The following ZNF267 variants were observed in gnomAD, a reference collection of about 807,000 sequenced individuals.
ZNF267 encodes zinc finger (C2H2).
Under a neutral mutation model 71.6 loss-of-function variants are expected in ZNF267, and 61 were observed. That is an observed-to-expected ratio of 0.85 (90% CI 0.69 to 1.05). The LOEUF is 1.05. Ranked by LOEUF, ZNF267 falls within the 50% of genes least tolerant of loss-of-function variation. ZNF267 has a pLI of 0.00. For synonymous variants in ZNF267, 288 were observed against 293.2 expected (o/e 0.98, Z 0.18); for missense variants, 852 against 870.0 (o/e 0.98, Z 0.26).
At chr16:31,874,827 A>C (rs2083840626) in intron 1 of ZNF267, among the ~76,000 whole-genome samples, 1 of 152,166 alleles carries the variant, frequency 6.6e-6, no homozygotes, top group South Asian at 2.1e-4. Flanking sequence ...GCAATAAAAT[A>C]TTAAATTTCC....
Position 31,899,997 on chromosome 16 carries a change from TACACACACAC to T in ZNF267, c.227-14473_227-14464del, listed in dbSNP as rs530697331. On this transcript the variant is annotated intron_variant, in intron 3 of 3. Coordinates refer to ENST00000300870, the MANE Select transcript of ZNF267 (RefSeq NM_003414.6). ...ACCCTTGGTGTCATCCATATATATA[TACACACACAC>T]ACACATACACACACACAATGTGTTT... 9.3e-5 allele frequency among the ~76,000 whole-genome samples: 14 copies of T among 150,998 alleles called. No individual in the cohort carries two copies. The East Asian group carries it at 2.7e-3, about 29-fold the overall frequency.
In ZNF267 at chr16:31,875,339, G is replaced by T. The variant is rs1047558866; in HGVS notation, c.3+1370G>T. 7.0e-6 allele frequency: 9 copies of T among 1,276,906 alleles called. No individual in the cohort carries two copies. The Admixed American group carries it at 2.0e-4, about 28-fold the overall frequency. The allele number at this position is 1,276,906 out of a possible 1,614,324, so 79.1% of individuals were successfully genotyped here. On this transcript the variant is annotated intron_variant, in intron 1 of 3. Coordinates refer to ENST00000300870, the MANE Select transcript of ZNF267 (RefSeq NM_003414.6). ...TAGTCCCTCAGGGGAGCAGCTGGAT[G>T]CCCTGGGGCTGAGAGAAATCTCCTG...
intron 3 of ZNF267, among the ~76,000 whole-genome samples, chr16:31,905,420 C>T (rs138159941): frequency 0.013 from 1,924 of 152,308 alleles, 49 homozygotes; most frequent in African/African-American, 0.044. Context: ...CTTTCAGGTA[C>T]ACCAATGAGA....
Position 31,915,136 on chromosome 16 carries a change from G to T in ZNF267, c.887G>T (p.Ser296Ile), listed in dbSNP as rs370712596. The T allele has an allele frequency of 6.2e-7, 1 of 1,613,320 alleles. No homozygotes were observed. Reference protein sequence around the residue: ...QTIHIRENSYSYNKYDKDLSQ... With the variant: ...QTIHIRENSYIYNKYDKDLSQ... ...ATCCATATCAGAGAAAACTCATATA[G>T]CTATAACAAATATGATAAAGATCTT... The change falls in exon 4 of 4, where the codon AGC becomes ATC. Residue 296 changes from serine to isoleucine, a missense_variant. By Grantham distance (142) the Ser-to-Ile change is moderately radical. Coordinates refer to ENST00000300870, the MANE Select transcript of ZNF267 (RefSeq NM_003414.6).
At chr16:31,899,203 C>T (rs1403738301) in intron 3 of ZNF267, among the ~76,000 whole-genome samples, 1 of 152,180 alleles carries the variant, frequency 6.6e-6, no homozygotes, top group Non-Finnish European at 1.5e-5. Context: ...CTACAGAACT[C>T]TCCAACCCAA....
chr16:31,907,771 T>C (rs1051047639), intron 3 of ZNF267, among the ~76,000 whole-genome samples: 1 of 152,178 alleles, frequency 6.6e-6, no homozygotes, highest in East Asian at 1.9e-4. Context: ...GCGCAGTGGC[T>C]CATGCCTATA....
chr16:31,898,602 A>G (rs574434909), intron 3 of ZNF267, among the ~76,000 whole-genome samples: 25 of 150,782 alleles, frequency 1.7e-4, no homozygotes, highest in African/African-American at 4.9e-4. Context: ...TTGTGTATCT[A>G]CTATAGGTAT....
intron 3 of ZNF267, among the ~76,000 whole-genome samples, chr16:31,886,672 A>G (rs2083926631): frequency 6.6e-6 from 1 of 152,234 alleles, no homozygotes. Context: ...AATGCTGTAC[A>G]TTAGATATTC....
chr16:31,900,919 T>C (rs1002886517), intron 3 of ZNF267, among the ~76,000 whole-genome samples: 2 of 152,204 alleles, frequency 1.3e-5, no homozygotes, highest in Admixed American at 6.5e-5. Context: ...CATTTAGCAT[T>C]AGGTATATCT....
intron 3 of ZNF267, among the ~76,000 whole-genome samples, chr16:31,907,582 C>G (rs1219875844): frequency 6.6e-6 from 1 of 152,008 alleles, no homozygotes; most frequent in Non-Finnish European, 1.5e-5. Context: ...TAGTTGTGTT[C>G]TCCTTTAGTT....
chr16:31,892,042 G>A (rs1394825144), intron 3 of ZNF267, among the ~76,000 whole-genome samples: 1 of 152,112 alleles, frequency 6.6e-6, no homozygotes, highest in Non-Finnish European at 1.5e-5. Flanking sequence ...TCCAGGCTGA[G>A]GTGGTCTTGG....
In ZNF267 at chr16:31,914,536, A is replaced by G. The variant is rs1381354503; in HGVS notation, c.287A>G (p.Gln96Arg). The G allele has an allele frequency of 1.2e-6, 2 of 1,613,842 alleles. No individual in the cohort carries two copies. The highest frequency in any genetic ancestry group is 1.7e-6 in the Non-Finnish European group (2 of 1,179,942). Residue 96 changes from glutamine to arginine, a missense_variant, in exon 4 of 4, where the codon CAA becomes CGA. Gln to Arg is a conservative substitution (Grantham distance 43, BLOSUM62 1). Coordinates refer to ENST00000300870, the MANE Select transcript of ZNF267 (RefSeq NM_003414.6). ...LTEHCTEASFQKVISRRHGSC... is the reference protein window; with the variant it reads ...LTEHCTEASFRKVISRRHGSC... Reference sequence around the variant, plus strand: ...GAGCACTGCACAGAAGCTTCATTCCAAAAAGTGATATCGAGGAGACATGGG... The same window carrying G: ...GAGCACTGCACAGAAGCTTCATTCCGAAAAGTGATATCGAGGAGACATGGG...
chr16:31,877,146 C>T (rs1004436596), intron 1 of ZNF267, among the ~76,000 whole-genome samples: 1 of 152,050 alleles, frequency 6.6e-6, no homozygotes, highest in Non-Finnish European at 1.5e-5. Flanking sequence ...CACCCGACAA[C>T]TGGTTTTCCC....
At chr16:31,910,571 AT>A (rs1156998930) in intron 3 of ZNF267, among the ~76,000 whole-genome samples, 3 of 151,514 alleles carry the variant, frequency 2.0e-5, no homozygotes, top group Non-Finnish European at 4.4e-5. Context: ...AATCTTTTGA[AT>A]TTCTGCAGTG....
chr16:31,916,307 A>G lies in ZNF267; in HGVS notation c.2058A>G (p.Arg686=). ...TTHRRRHTGE[R]PYKCDECGKA... ...ATCGGAGAAGACATACTGGAGAGAG[A>G]CCCTACAAATGTGATGAATGTGGTA... Residue 686 remains arginine (R), a synonymous_variant, in exon 4 of 4, where the codon AGA becomes AGG. Transcript: ENST00000300870. 6.2e-7 allele frequency: 1 copy of G among 1,614,044 alleles called. No individual in the cohort carries two copies. Among genetic ancestry groups the G allele is most frequent in the East Asian group, 2.2e-5 (1 of 44,856 alleles).
chr16:31,882,936 A>G (rs1353368452), intron 1 of ZNF267, among the ~76,000 whole-genome samples: 1 of 152,228 alleles, frequency 6.6e-6, no homozygotes, highest in Non-Finnish European at 1.5e-5. Flanking sequence ...TTTAATCCAG[A>G]GACTCCCATT....
chr16:31,907,995 A>G (rs563621899), intron 3 of ZNF267, among the ~76,000 whole-genome samples: 2 of 152,092 alleles, frequency 1.3e-5, no homozygotes, highest in Middle Eastern at 3.4e-3. Flanking sequence ...GTGAACCAAG[A>G]TAGCGCCACT....
intron 3 of ZNF267, among the ~76,000 whole-genome samples, chr16:31,895,862 C>T (rs1354786313): frequency 6.6e-6 from 1 of 152,094 alleles, no homozygotes; most frequent in African/African-American, 2.4e-5. Context: ...CTTATATGAT[C>T]TAGATATTAA....
chr16:31,888,702 T>C (rs1321117054), intron 3 of ZNF267, among the ~76,000 whole-genome samples: 1 of 152,066 alleles, frequency 6.6e-6, no homozygotes, highest in African/African-American at 2.4e-5. Flanking sequence ...TTAATGTGTT[T>C]TTGAATTTGG....
Sources: gnomAD v4.1 joint callset for allele counts (sites outside exome capture counted in the v4.1 genomes callset) on GRCh38, gnomAD v4.1.1 for gene constraint, MANE v1.5 for transcripts, NCBI Gene and HGNC (gene_info 2026-07-23, HGNC 2026-07-21) for gene names.